The following PTPN3 variants were observed in gnomAD, a reference collection of about 807,000 sequenced individuals.
PTPN3 encodes protein tyrosine phosphatase non-receptor type 3.
In PTPN3, 96 loss-of-function variants were observed where a neutral mutation model predicts 132.7. That is an observed-to-expected ratio of 0.72 (90% CI 0.61 to 0.86). The LOEUF is 0.86. Among genes scored for constraint, PTPN3 ranks in the 40% least tolerant of loss-of-function variants. The pLI, the probability that PTPN3 is intolerant of heterozygous loss-of-function variation, is 0.00. For missense variants in PTPN3, 1,125 were observed against 1,159.6 expected (o/e 0.97, Z 0.43); for synonymous variants, 398 against 429.0 (o/e 0.93, Z 0.89).
intron 7 of PTPN3, among the ~76,000 whole-genome samples, chr9:109,442,034 T>C (rs1048576494): frequency 4.6e-5 from 7 of 152,080 alleles, no homozygotes; most frequent in African/African-American, 1.7e-4. Context: ...TTTGATCCAG[T>C]AATTTCATAT....
chr9:109,468,839 G>A (rs1183404978), intron 1 of PTPN3, among the ~76,000 whole-genome samples: 1 of 152,230 alleles, frequency 6.6e-6, no homozygotes, highest in East Asian at 1.9e-4. Flanking sequence ...TTTTATTAAC[G>A]TTAAACTTCT....
chr9:109,481,916 A>G (rs1465549648), intron 1 of PTPN3, among the ~76,000 whole-genome samples: 1 of 152,190 alleles, frequency 6.6e-6, no homozygotes, highest in Non-Finnish European at 1.5e-5. Flanking sequence ...GGCCTGTGAC[A>G]AAGACAGGGA....
chr9:109,451,239 T>C (rs1845225925), intron 5 of PTPN3: 2 of 984,114 alleles, frequency 2.0e-6, no homozygotes, highest in African/African-American at 1.7e-5. Context: ...TATATATATA[T>C]ATCTGGCAGT....
At chr9:109,393,384 CTTTTTTTTTT>C (rs929613549) in intron 19 of PTPN3, among the ~76,000 whole-genome samples, 3 of 119,910 alleles carry the variant, frequency 2.5e-5, no homozygotes, top group Admixed American at 2.5e-4. Flanking sequence ...TTTTTTTTGT[CTTTTTTTTTT>C]TTTTTTTTTG....
chr9:109,395,740 T>C (rs1840525393), intron 19 of PTPN3, among the ~76,000 whole-genome samples: 1 of 151,806 alleles, frequency 6.6e-6, no homozygotes. Flanking sequence ...TGAGCCAATA[T>C]TGTGCCACTG....
In PTPN3 at chr9:109,389,329, C is replaced by T. The variant is rs772608750; in HGVS notation, c.2157G>A (p.Gly719=). 9 of 1,614,084 alleles carry T rather than the reference C, an allele frequency of 5.6e-6. No homozygotes were observed. The highest frequency in any genetic ancestry group is 1.6e-4 in the Middle Eastern group (1 of 6,062). Residue 719 remains glycine (G), a synonymous_variant, in exon 22 of 26, where the codon GGG becomes GGA. Transcript: ENST00000374541. The part of the protein sequence containing the change: ...NLVNKYIATQ[G]PLPHTCAQFW... ...ACTGTGCACAGGTATGCGGCAGGGG[C>T]CCCTGAGTGGCGATGTACTTGTTCA...
chr9:109,378,385 G>C lies in PTPN3; in HGVS notation c.*1171C>G, dbSNP rs1245982420. On this transcript the variant is annotated 3_prime_UTR_variant, in exon 26 of 26. Coordinates refer to ENST00000374541, the MANE Select transcript of PTPN3 (RefSeq NM_002829.4). ...TCTTAGAATAAATTAACATCAGATT[G>C]TGTTTATATTCAGATAGTCTGATCC... The C allele has an allele frequency of 6.6e-6, 1 of 152,628 alleles. No homozygotes were observed. The highest frequency in any genetic ancestry group is 1.5e-5 in the Non-Finnish European group (1 of 68,036). The allele number at this position is 152,628 out of a possible 1,614,324, so 9.5% of individuals were successfully genotyped here.
chr9:109,497,273 C>G (rs1049074555), intron 1 of PTPN3, among the ~76,000 whole-genome samples: 8 of 152,118 alleles, frequency 5.3e-5, no homozygotes, highest in African/African-American at 1.9e-4. Context: ...ATTCACATCA[C>G]GCCAACTGCT....
chr9:109,438,677 C>T lies in PTPN3; in HGVS notation c.467-443G>A, dbSNP rs147070093. On this transcript the variant is annotated intron_variant, in intron 7 of 25. Coordinates refer to ENST00000374541, the MANE Select transcript of PTPN3 (RefSeq NM_002829.4). ...CCCCAAGGTTACCATAACACTGGAC[C>T]AATCTGCTCTAAAAACTGGGTGTAG... 3.3e-4 allele frequency among the ~76,000 whole-genome samples: 50 copies of T among 152,318 alleles called. No homozygotes were observed. In the East Asian group the frequency reaches 8.3e-3, roughly 25 times the overall value.
At chr9:109,531,430 C>T in the PTPN3 span, among the ~76,000 whole-genome samples, 52 of 152,226 alleles carry the variant, frequency 3.4e-4, no homozygotes, top group African/African-American at 1.2e-3. Context: ...CCAAAAGCGT[C>T]CTGGGAATAG....
At position 109,463,419 on chromosome 9, in the gene PTPN3, G is replaced by A. The variant is rs147740778; in HGVS notation, c.16C>T (p.Arg6Cys). The part of the protein sequence containing the change: MTSRL[R>C]ALGGRINNIR... Reference sequence around the variant, plus strand: ...TTATTAATTCTTCCACCCAACGCACGTAACCGGGAGGTCATAACTATCGCT... The same window carrying A: ...TTATTAATTCTTCCACCCAACGCACATAACCGGGAGGTCATAACTATCGCT... Residue 6 changes from arginine to cysteine, a missense_variant, in exon 2 of 26, where the codon CGT (arginine) becomes TGT (cysteine). Arg to Cys is a radical substitution (Grantham distance 180). Transcript: ENST00000374541. 1.3e-4 allele frequency: 205 copies of A among 1,609,624 alleles called. 2 individuals carry two copies. The East Asian group carries it at 3.4e-3, about 26-fold the overall frequency.
rs146447592 is a variant in PTPN3 at position 109,391,232 on chromosome 9, C to T, written c.2045-33G>A. ...GAAGAGAAAAATTTACCGATTATTCCGAGCATTATTTTTATCATACCAAGT... is the reference window on the plus strand; with the variant it reads ...GAAGAGAAAAATTTACCGATTATTCTGAGCATTATTTTTATCATACCAAGT... On this transcript the variant is annotated intron_variant, in intron 20 of 25. Transcript: ENST00000374541. 5.7e-6 allele frequency: 9 copies of T among 1,587,758 alleles called. No homozygotes were observed. The East Asian group carries it at 1.3e-4, about 24-fold the overall frequency.
chr9:109,509,260 A>G, the PTPN3 span, among the ~76,000 whole-genome samples: 2 of 152,242 alleles, frequency 1.3e-5, no homozygotes, highest in East Asian at 3.8e-4. Context: ...AATTGTATAT[A>G]GTGCAGTATC....
At chr9:109,462,320 C>T (rs1007549492) in intron 2 of PTPN3, among the ~76,000 whole-genome samples, 1 of 152,256 alleles carries the variant, frequency 6.6e-6, no homozygotes, top group Non-Finnish European at 1.5e-5. Flanking sequence ...GCCTTCTCCT[C>T]CTGCCTACAT....
intron 14 of PTPN3, among the ~76,000 whole-genome samples, chr9:109,418,173 A>C (rs1842656694): frequency 6.6e-6 from 1 of 152,110 alleles, no homozygotes; most frequent in Non-Finnish European, 1.5e-5. Context: ...AGAGCCCTGG[A>C]GTGTGGCAGC....
rs1292862142 is a variant in PTPN3, at chr9:109,420,488, T to C, written c.1249A>G (p.Lys417Glu). ...TETEDVFYTY[K>E]GSLAPQDSDS... The stretch of plus-strand genomic sequence containing the variant: ...CTGTCTTGAGGGGCCAGAGAGCCCT[T>C]GTACGTGTAAAATACATCTTCCGTT... The change falls in exon 14 of 26, where the codon AAG (lysine) becomes GAG (glutamate). Residue 417 changes from lysine (K) to glutamate (E), a missense_variant. Lys to Glu is a moderately conservative substitution (Grantham distance 56). Coordinates refer to ENST00000374541, the MANE Select transcript of PTPN3 (RefSeq NM_002829.4). 9 of 1,613,740 alleles carry C rather than the reference T, an allele frequency of 5.6e-6. No homozygotes were observed. Among genetic ancestry groups the C allele is most frequent in the African/African-American group, 1.3e-5 (1 of 75,050 alleles).
At chr9:109,476,985 G>A (rs1238776824) in intron 1 of PTPN3, among the ~76,000 whole-genome samples, 2 of 152,192 alleles carry the variant, frequency 1.3e-5, no homozygotes, top group South Asian at 2.1e-4. Flanking sequence ...ACTGGGCCTG[G>A]AAGGTAGCAC....
chr9:109,427,456 T>G (rs1426916437), intron 11 of PTPN3, among the ~76,000 whole-genome samples: 1 of 152,242 alleles, frequency 6.6e-6, no homozygotes, highest in Non-Finnish European at 1.5e-5. Context: ...CTTTTAAATT[T>G]TAACTCTGGG....
chr9:109,472,290 G>T (rs909354621), intron 1 of PTPN3, among the ~76,000 whole-genome samples: 12 of 152,112 alleles, frequency 7.9e-5, no homozygotes, highest in Non-Finnish European at 8.8e-5. Flanking sequence ...AATTATAAAA[G>T]GCCACACAAT....
Sources: allele counts gnomAD v4.1 joint callset (sites outside exome capture counted in the v4.1 genomes callset), GRCh38; gene constraint gnomAD v4.1.1; transcripts MANE v1.5; gene names NCBI Gene and HGNC (gene_info 2026-07-23, HGNC 2026-07-21).